PIP4K2A: variants seen among roughly 807,000 people sequenced by gnomAD.
The protein encoded by PIP4K2A is phosphatidylinositol-5-phosphate 4-kinase type 2 alpha.
Under a neutral mutation model 42.9 loss-of-function variants are expected in PIP4K2A, and 14 were observed. The ratio of observed to expected loss-of-function variants is 0.33; its 90% CI spans 0.22 to 0.51. PIP4K2A has a LOEUF of 0.51. PIP4K2A is among the 20% of genes least tolerant of loss of function. The pLI is 0.97. For synonymous variants in PIP4K2A, 192 were observed against 192.2 expected (o/e 1.00, Z 0.01); for missense variants, 434 against 519.8 (o/e 0.83, Z 1.61).
chr10:22,566,649 C>G (rs79585600), intron 6 of PIP4K2A, among the ~76,000 whole-genome samples: 1,734 of 152,072 alleles, frequency 0.011, 33 homozygotes, highest in African/African-American at 0.039. Context: ...GGCTTCCTCT[C>G]TCCCTGCAGC....
intron 1 of PIP4K2A, among the ~76,000 whole-genome samples, chr10:22,662,931 C>G (rs1839231316): frequency 6.6e-6 from 1 of 152,218 alleles, no homozygotes; most frequent in Admixed American, 6.5e-5. Flanking sequence ...AGCAATGCAG[C>G]CCCCACGCAG....
intron 1 of PIP4K2A, among the ~76,000 whole-genome samples, chr10:22,678,692 A>C (rs902244283): frequency 3.9e-5 from 6 of 152,194 alleles, no homozygotes; most frequent in Non-Finnish European, 8.8e-5. Flanking sequence ...TGGTACTTAG[A>C]TTCCGAAGGA....
intron 5 of PIP4K2A, 121 bp from the exon 6 acceptor site, chr10:22,568,010 G>T: frequency 2.3e-6 from 2 of 874,930 alleles, no homozygotes; most frequent in Non-Finnish European, 3.9e-6. Flanking sequence ...CTGCTTCGCA[G>T]CCCATGCGGA....
At chr10:22,692,672 A>G (rs1839896734) in intron 1 of PIP4K2A, among the ~76,000 whole-genome samples, 1 of 152,180 alleles carries the variant, frequency 6.6e-6, no homozygotes, top group South Asian at 2.1e-4. Flanking sequence ...ATGTTTTCTC[A>G]GAAATATCCA....
intron 5 of PIP4K2A, 122 bp downstream of exon 5, chr10:22,573,189 A>G (rs1837030865): frequency 1.4e-5 from 12 of 829,922 alleles, no homozygotes; most frequent in Non-Finnish European, 2.3e-5. Flanking sequence ...ATACACTGCT[A>G]CTTGTCTGGT....
intron 1 of PIP4K2A, among the ~76,000 whole-genome samples, chr10:22,651,246 G>A (rs1245776630): frequency 6.6e-6 from 1 of 152,048 alleles, no homozygotes; most frequent in Non-Finnish European, 1.5e-5. Context: ...CTTTCACTCT[G>A]TCCCTCCTCC....
intron 1 of PIP4K2A, among the ~76,000 whole-genome samples, chr10:22,688,059 A>T (rs544002194): frequency 6.6e-6 from 1 of 152,356 alleles, no homozygotes; most frequent in East Asian, 1.9e-4. Flanking sequence ...AGTACACCAT[A>T]GGTCAAATCT....
intron 5 of PIP4K2A, among the ~76,000 whole-genome samples, chr10:22,573,014 G>A (rs1235806265): frequency 6.6e-6 from 1 of 152,202 alleles, no homozygotes; most frequent in Non-Finnish European, 1.5e-5. Flanking sequence ...CCACCAGAAT[G>A]TCAGCTCCCC....
intron 1 of PIP4K2A, among the ~76,000 whole-genome samples, chr10:22,671,694 G>A (rs1347266643): frequency 1.3e-5 from 2 of 151,730 alleles, no homozygotes; most frequent in Non-Finnish European, 2.9e-5. Flanking sequence ...AGGTTACTGA[G>A]AAGACAGTTT....
At chr10:22,613,356 A>T (rs959547746) in intron 1 of PIP4K2A, among the ~76,000 whole-genome samples, 3 of 152,120 alleles carry the variant, frequency 2.0e-5, no homozygotes, top group African/African-American at 7.2e-5. Context: ...GACCTGACAG[A>T]GAAGGGACAT....
At position 22,581,007 on chromosome 10, in the gene PIP4K2A, A is replaced by G. The variant is rs578080261; in HGVS notation, c.493-7550T>C. On this transcript the variant is annotated intron_variant, in intron 4 of 9. Transcript: ENST00000376573. ...AGATGAGGCTGCAAATGGACCAAAC[A>G]CTGAACAATGCTGGCCGTCCCGTGT... Among the ~76,000 whole-genome samples the G allele has an allele frequency of 1.2e-4, 19 of 152,346 alleles. No individual in the cohort carries two copies. The South Asian group carries it at 3.5e-3, about 28-fold the overall frequency.
intron 1 of PIP4K2A, among the ~76,000 whole-genome samples, chr10:22,689,842 G>A (rs1334601595): frequency 2.0e-5 from 3 of 152,196 alleles, no homozygotes; most frequent in Non-Finnish European, 4.4e-5. Flanking sequence ...AACACCTTGC[G>A]ATGTCTTTAC....
chr10:22,568,144 G>A (rs1588631150), intron 5 of PIP4K2A, among the ~76,000 whole-genome samples: 1 of 152,306 alleles, frequency 6.6e-6, no homozygotes. Flanking sequence ...GTGTTTCTGT[G>A]GTTCTTGTCC....
intron 7 of PIP4K2A, among the ~76,000 whole-genome samples, chr10:22,543,232 G>A (rs921075838): frequency 1.3e-5 from 2 of 152,270 alleles, no homozygotes; most frequent in South Asian, 4.2e-4. Context: ...CTGGGCACAG[G>A]GCTATCCCAC....
chr10:22,536,083 C>CTGTT lies in PIP4K2A; in HGVS notation c.*1114_*1117dup, dbSNP rs1269761951. 2 of 398,516 alleles carry CTGTT rather than the reference C, an allele frequency of 5.0e-6. No individual in the cohort carries two copies. Among genetic ancestry groups the CTGTT allele is most frequent in the Non-Finnish European group, 4.4e-6 (1 of 226,022 alleles). 24.7% of individuals were successfully genotyped at this position (398,516 alleles called of 1,614,324 possible). A position where few individuals can be genotyped will look rare whatever the true frequency, so the allele number is the denominator to read the frequency against. On this transcript the variant is annotated 3_prime_UTR_variant, in exon 10 of 10. Coordinates refer to ENST00000376573, the MANE Select transcript of PIP4K2A (RefSeq NM_005028.5). ...AAATTTTTAGATTCAAAAGATATCC[C>CTGTT]TGTTTTCCTAATAATGTAAACAGTA...
rs542265429 is a variant in PIP4K2A at position 22,536,414 on chromosome 10, G to GA, written c.*786dup. ...TTTTCCTGGACATATTGGCCGAGGT[G>GA]AAAAATGTATAGAGAATCACTGGGG... On this transcript the variant is annotated 3_prime_UTR_variant, in exon 10 of 10. Coordinates refer to ENST00000376573, the MANE Select transcript of PIP4K2A (RefSeq NM_005028.5). 548 of 271,020 alleles carry GA rather than the reference G, an allele frequency of 2.0e-3. 4 individuals are homozygous for GA. Among genetic ancestry groups the GA allele is most frequent in the African/African-American group, 0.011 (491 of 45,812 alleles). 16.8% of individuals were successfully genotyped at this position (271,020 alleles called of 1,614,324 possible). A position where few individuals can be genotyped will look rare whatever the true frequency, so the allele number is the denominator to read the frequency against.
chr10:22,631,097 G>T (rs1056763184), intron 1 of PIP4K2A, among the ~76,000 whole-genome samples: 1 of 152,164 alleles, frequency 6.6e-6, no homozygotes, highest in South Asian at 2.1e-4. Flanking sequence ...AGGATACGAC[G>T]TTCAGTTTTA....
At chr10:22,564,636 T>G (rs1300171544) in intron 6 of PIP4K2A, among the ~76,000 whole-genome samples, 1 of 152,244 alleles carries the variant, frequency 6.6e-6, no homozygotes, top group Non-Finnish European at 1.5e-5. Context: ...CATGGCAGCA[T>G]GGAAGTCGAC....
chr10:22,583,433 C>T (rs577933340), intron 4 of PIP4K2A, among the ~76,000 whole-genome samples: 5 of 152,208 alleles, frequency 3.3e-5, no homozygotes, highest in Admixed American at 2.6e-4. Context: ...GCAGGTGCAC[C>T]GGAGAGCAGG....
Sources: gnomAD v4.1 joint callset for allele counts (sites outside exome capture counted in the v4.1 genomes callset) on GRCh38, gnomAD v4.1.1 for gene constraint, MANE v1.5 for transcripts, NCBI Gene and HGNC (gene_info 2026-07-23, HGNC 2026-07-21) for gene names.